SORBS3: variants seen among roughly 807,000 people sequenced by gnomAD.
SORBS3 encodes vinexin.
A neutral mutation model predicts 98.0 loss-of-function variants in SORBS3; 69 were observed. The observed-to-expected ratio is 0.70, with a 90% CI of 0.58 to 0.86. The LOEUF (loss-of-function observed/expected upper bound fraction) is 0.86, where lower values mean the gene tolerates loss of function less well. Ranked by LOEUF, SORBS3 falls within the 40% of genes least tolerant of loss-of-function variation. SORBS3 has a pLI of 0.00. For synonymous variants in SORBS3, 394 were observed against 355.4 expected (o/e 1.11, Z -1.22); for missense variants, 954 against 908.5 (o/e 1.05, Z -0.64).
At chr8:22,574,101 A>G (rs1232328075) in intron 20 of SORBS3, among the ~76,000 whole-genome samples, 1 of 152,184 alleles carries the variant, frequency 6.6e-6, no homozygotes, top group African/African-American at 2.4e-5. Context: ...GAAGGAAAGC[A>G]GCCAACAGAA....
At chr8:22,562,036 C>A in intron 7 of SORBS3, 105 bp downstream of exon 7, 1 of 1,083,068 alleles carries the variant, frequency 9.2e-7, no homozygotes, top group South Asian at 1.3e-5. Context: ...CCTCGGAGCC[C>A]AGCCAGGAGT....
At chr8:22,574,593 G>A in intron 20 of SORBS3, 74 bp from the exon 21 acceptor site, 2 of 1,478,336 alleles carry the variant, frequency 1.4e-6, no homozygotes, top group Non-Finnish European at 1.9e-6. Flanking sequence ...CTGCCGGCAG[G>A]GGGCAGGCCC....
In SORBS3 at chr8:22,556,911, G is replaced by T; in HGVS notation, c.414+3G>T. 1 of 1,612,292 alleles carries T rather than the reference G, an allele frequency of 6.2e-7. No individual in the cohort carries two copies. ...GCATGCCCATTGCCCCCCGATCCGT[G>T]AGTCCAGGGCTGGGGGCCACGGAGA... On this transcript the variant is annotated splice_donor_region_variant and intron_variant, in intron 4 of 20. Transcript: ENST00000240123.
At chr8:22,574,171 T>C (rs881772) in intron 20 of SORBS3, among the ~76,000 whole-genome samples, 26,037 of 138,104 alleles carry the variant, frequency 0.19, 2,599 homozygotes, top group Middle Eastern at 0.29. Context: ...CCGCTGGGGT[T>C]CCCCCCCCTC....
chr8:22,562,009 G>A, intron 7 of SORBS3, 78 bp downstream of exon 7: 1 of 1,387,648 alleles, frequency 7.2e-7, no homozygotes, highest in Admixed American at 1.7e-5. Context: ...GCCCCCTCGT[G>A]ACCACAGCCG....
chr8:22,558,244 G>A, intron 5 of SORBS3, 52 bp downstream of exon 5: 2 of 1,547,650 alleles, frequency 1.3e-6, no homozygotes, highest in Non-Finnish European at 1.8e-6. Flanking sequence ...TCTGGCCCCT[G>A]GGGCTTGGAG....
chr8:22,569,175 C>T lies in SORBS3; in HGVS notation c.1333C>T (p.Pro445Ser). The T allele has an allele frequency of 1.2e-6, 2 of 1,610,734 alleles. No individual in the cohort carries two copies. The highest frequency in any genetic ancestry group is 1.7e-6 in the Non-Finnish European group (2 of 1,178,302). Residue 445 changes from proline to serine, a missense_variant, in exon 17 of 21, where the codon CCC becomes TCC. By Grantham distance (74) the Pro-to-Ser change is moderately conservative. Transcript: ENST00000240123. ...GCTGCCCGCAGATGAGATCCCTAAG[C>T]CCATCAAGCCCCCGACCTACCAGGT... ...EVLPADEIPK[P>S]IKPPTYQVLE...
intron 4 of SORBS3, among the ~76,000 whole-genome samples, 192 bp downstream of exon 4, chr8:22,557,100 A>G (rs1399661465): frequency 6.6e-6 from 1 of 152,172 alleles, no homozygotes; most frequent in Non-Finnish European, 1.5e-5. Flanking sequence ...CGTGTGCCTG[A>G]GTTGCTCAAG....
Position 22,567,181 on chromosome 8 carries a change from C to A in SORBS3, c.1305+6C>A. ...TCCCTGCTAATTATGTGGAGGTGAG[C>A]AGGAGAGACAAGAGCAAGTGGGGCT... On this transcript the variant is annotated splice_donor_region_variant and intron_variant, in intron 16 of 20. Coordinates refer to ENST00000240123, the MANE Select transcript of SORBS3 (RefSeq NM_005775.5). 2 of 1,589,382 alleles carry A rather than the reference C, an allele frequency of 1.3e-6. No homozygotes were observed. Among genetic ancestry groups the A allele is most frequent in the Non-Finnish European group, 1.7e-6 (2 of 1,158,994 alleles).
chr8:22,550,885 C>T (rs970301072), upstream of SORBS3, among the ~76,000 whole-genome samples: 3 of 152,172 alleles, frequency 2.0e-5, no homozygotes, highest in African/African-American at 4.8e-5. Context: ...AACTCAAGGG[C>T]CAGAAAGGAT....
chr8:22,574,555 CT>C, intron 20 of SORBS3, 111 bp from the exon 21 acceptor site: 3 of 1,051,064 alleles, frequency 2.9e-6, no homozygotes, highest in Non-Finnish European at 4.3e-6. Flanking sequence ...CTGGGCTCCC[CT>C]ACAGAACTCC....
chr8:22,574,570 A>T, intron 20 of SORBS3, 97 bp from the exon 21 acceptor site: 1 of 1,213,836 alleles, frequency 8.2e-7, no homozygotes, highest in Non-Finnish European at 1.2e-6. Context: ...GAACTCCCCT[A>T]CAGTTCTGGG....
intron 3 of SORBS3, among the ~76,000 whole-genome samples, chr8:22,556,155 A>G (rs1253866690): frequency 6.6e-6 from 1 of 152,282 alleles, no homozygotes; most frequent in East Asian, 1.9e-4. Context: ...CTCAGTCACA[A>G]CCATGTCTGG....
At position 22,556,782 on chromosome 8, in the gene SORBS3, C is replaced by T. The variant is rs753639315; in HGVS notation, c.288C>T (p.Ala96=). ...SKPSASTKIP[A]SQHTQNWSAT... is the part of the protein sequence containing the mutation. ...CCTCTGCAAGCACAAAGATCCCTGC[C>T]TCCCAGCACACCCAGAACTGGTCAG... The change falls in exon 4 of 21, where the codon GCC becomes GCT. Residue 96 remains alanine (A), a synonymous_variant. Transcript: ENST00000240123. 1.1e-5 allele frequency: 17 copies of T among 1,613,820 alleles called. No homozygotes were observed. The highest frequency in any genetic ancestry group is 1.6e-4 in the Middle Eastern group (1 of 6,062).
intron 11 of SORBS3, 144 bp from the exon 12 acceptor site, chr8:22,565,682 G>C (rs1840394547): frequency 2.5e-6 from 3 of 1,211,952 alleles, no homozygotes; most frequent in Non-Finnish European, 3.1e-6. Context: ...CCGCTCCCGG[G>C]ATCGGCCGCG....
chr8:22,562,018 C>T, intron 7 of SORBS3, 87 bp downstream of exon 7: 3 of 1,297,502 alleles, frequency 2.3e-6, no homozygotes, highest in South Asian at 2.4e-5. Context: ...TGACCACAGC[C>T]GGCACAGCCT....
Position 22,554,123 on chromosome 8 carries a change from A to C in SORBS3, c.-55-329A>C. The C allele has an allele frequency of 5.7e-6, 1 of 175,688 alleles. No individual in the cohort carries two copies. The highest frequency in any genetic ancestry group is 1.2e-5 in the Non-Finnish European group (1 of 82,780). The allele number at this position is 175,688 out of a possible 1,614,324, so 10.9% of individuals were successfully genotyped here. Reference sequence around the variant, plus strand: ...CGCCTTCCCTCCGGGGGAGTGGGGAAGCCAGCTGCACCCGTGCAGGGAGAG... The same window carrying C: ...CGCCTTCCCTCCGGGGGAGTGGGGACGCCAGCTGCACCCGTGCAGGGAGAG... On this transcript the variant is annotated intron_variant, in intron 1 of 20. Transcript: ENST00000240123. The surrounding 1 kb of genome is among the most constrained non-coding windows in gnomAD (Gnocchi z 6.5).
chr8:22,548,366 T>C (rs1343386305), upstream of SORBS3, among the ~76,000 whole-genome samples: 3 of 148,368 alleles, frequency 2.0e-5, no homozygotes, highest in East Asian at 5.8e-4. Flanking sequence ...GCATGAAACA[T>C]AGTCCAGATT....
upstream of SORBS3, among the ~76,000 whole-genome samples, chr8:22,547,508 C>T (rs1329730607): frequency 1.3e-5 from 2 of 152,152 alleles, no homozygotes; most frequent in East Asian, 3.8e-4. Context: ...AGGCCAGAGC[C>T]GTACTTTATG....
Sources: gnomAD v4.1 joint callset for allele counts (sites outside exome capture counted in the v4.1 genomes callset) on GRCh38, gnomAD v4.1.1 for gene constraint, Gnocchi (gnomAD v3.1) non-coding constraint, MANE v1.5 for transcripts, NCBI Gene and HGNC (gene_info 2026-07-23, HGNC 2026-07-21) for gene names.